The following CCDC90B variants were observed in gnomAD, a reference collection of about 807,000 sequenced individuals.
CCDC90B encodes the protein coiled-coil domain-containing protein 90B, mitochondrial.
In CCDC90B, 24 loss-of-function variants were observed where a neutral mutation model predicts 37.0. The observed-to-expected ratio is 0.65, with a 90% CI of 0.47 to 0.91. The LOEUF (loss-of-function observed/expected upper bound fraction) is 0.91. Ranked by LOEUF, CCDC90B falls within the 40% of genes least tolerant of loss-of-function variation. The pLI is 0.00. For synonymous variants in CCDC90B, 113 were observed against 101.1 expected (o/e 1.12, Z -0.71); for missense variants, 319 against 299.0 (o/e 1.07, Z -0.49).
At position 83,286,340 on chromosome 11, in the gene CCDC90B, T is replaced by G. The variant is rs1247930260; in HGVS notation, c.-368A>C. On this transcript the variant is annotated 5_prime_UTR_variant, in exon 1 of 9. Transcript: ENST00000529689. ...AAGATAGCCAGCGGCCATTACGCGC[T>G]TGGGTCGGGGGAGATGGAGTCGCAT... The G allele has an allele frequency of 1.1e-5, 8 of 739,746 alleles. No homozygotes were observed. The highest frequency in any genetic ancestry group is 1.7e-5 in the Non-Finnish European group (8 of 462,890). 45.8% of individuals were successfully genotyped at this position (739,746 alleles called of 1,614,324 possible). A position where few individuals can be genotyped will look rare whatever the true frequency, so the allele number is the denominator to read the frequency against.
intron 1 of CCDC90B, among the ~76,000 whole-genome samples, chr11:83,283,138 C>T (rs1401383097): frequency 6.6e-6 from 1 of 152,222 alleles, no homozygotes; most frequent in African/African-American, 2.4e-5. Flanking sequence ...TTCTTGCTCA[C>T]TACTGAATCC....
At chr11:83,263,152 T>C (rs191542080) in intron 8 of CCDC90B, among the ~76,000 whole-genome samples, 6 of 152,288 alleles carry the variant, frequency 3.9e-5, no homozygotes, top group East Asian at 3.9e-4. Flanking sequence ...ACTGTGACAC[T>C]TGAAAGACTC....
At chr11:83,265,687 A>G (rs1230698811) in intron 8 of CCDC90B, among the ~76,000 whole-genome samples, 178 bp downstream of exon 8, 2 of 152,200 alleles carry the variant, frequency 1.3e-5, no homozygotes, top group Non-Finnish European at 2.9e-5. Context: ...ATAAAACCCA[A>G]GACTCCAAAA....
At chr11:83,281,149 T>A (rs916972661) in intron 1 of CCDC90B, among the ~76,000 whole-genome samples, 1 of 152,228 alleles carries the variant, frequency 6.6e-6, no homozygotes, top group African/African-American at 2.4e-5. Flanking sequence ...CAGGTACTTC[T>A]GACTCCAAAT....
At chr11:83,285,049 G>A (rs1450727436) in intron 1 of CCDC90B, 22 of 949,856 alleles carry the variant, frequency 2.3e-5, no homozygotes, top group Middle Eastern at 5.8e-4. Flanking sequence ...ATGAAACAAT[G>A]AGCAAAATAG....
rs1043380991 is a variant in CCDC90B at position 83,285,685 on chromosome 11, C to T, written c.100+188G>A. 3.9e-5 allele frequency: 56 copies of T among 1,421,936 alleles called. No homozygotes were observed. In the African/African-American group the frequency reaches 7.9e-4, roughly 20 times the overall value. 88.1% of individuals were successfully genotyped at this position (1,421,936 alleles called of 1,614,324 possible). A position where few individuals can be genotyped will look rare whatever the true frequency, so the allele number is the denominator to read the frequency against. ...AAGAACAGAAAGGCAGTGCTTTCCTCAGTCCTCGCCCCTTGGGGCGAGCTG... is the reference window on the plus strand; with the variant it reads ...AAGAACAGAAAGGCAGTGCTTTCCTTAGTCCTCGCCCCTTGGGGCGAGCTG... On this transcript the variant is annotated intron_variant, in intron 1 of 8. Transcript: ENST00000529689.
chr11:83,271,090 G>A (rs1864630454), intron 7 of CCDC90B, among the ~76,000 whole-genome samples: 1 of 152,144 alleles, frequency 6.6e-6, no homozygotes, highest in Non-Finnish European at 1.5e-5. Flanking sequence ...GCTGAAACTA[G>A]ACCCCTTCCT....
intron 7 of CCDC90B, among the ~76,000 whole-genome samples, chr11:83,267,669 C>G (rs1404286212): frequency 2.0e-5 from 3 of 152,136 alleles, no homozygotes; most frequent in African/African-American, 7.2e-5. Context: ...AGAATGGAAC[C>G]AAGTTGGAAA....
At chr11:83,274,047 T>C (rs897809088) in intron 4 of CCDC90B, 55 bp from the exon 5 acceptor site, 38 of 1,359,230 alleles carry the variant, frequency 2.8e-5, no homozygotes, top group Non-Finnish European at 3.7e-5. Flanking sequence ...TATATTATGA[T>C]TAAAAAAATC....
At chr11:83,267,180 T>A (rs904210474) in intron 7 of CCDC90B, 14 of 152,076 alleles carry the variant, frequency 9.2e-5, no homozygotes, top group African/African-American at 3.4e-4. Flanking sequence ...AAGCTGAAAA[T>A]TCTAAAAATC....
Position 83,274,678 on chromosome 11 carries a change from T to C in CCDC90B, c.387A>G (p.Leu129=). Residue 129 remains leucine, a synonymous_variant, in exon 4 of 9, where the codon CTA becomes CTG. Transcript: ENST00000529689. ...TCAGATTTGCAAATTCACTTTTCTCTAGGATGACCATGTCTTTCCTGATAG... is the reference window on the plus strand; with the variant it reads ...TCAGATTTGCAAATTCACTTTTCTCCAGGATGACCATGTCTTTCCTGATAG... ...LDAIRKDMVI[L]EKSEFANLRA... The C allele has an allele frequency of 6.2e-7, 1 of 1,610,032 alleles. No individual in the cohort carries two copies. The highest frequency in any genetic ancestry group is 8.5e-7 in the Non-Finnish European group (1 of 1,177,954).
intron 3 of CCDC90B, among the ~76,000 whole-genome samples, chr11:83,277,667 G>GT (rs1197058209): frequency 5.4e-5 from 8 of 146,836 alleles, no homozygotes; most frequent in South Asian, 4.3e-4. Context: ...TTTTTTTTTT[G>GT]TTTTTTCAAG....
intron 7 of CCDC90B, among the ~76,000 whole-genome samples, chr11:83,271,950 T>C (rs1423687241): frequency 6.6e-6 from 1 of 152,086 alleles, no homozygotes; most frequent in Non-Finnish European, 1.5e-5. Context: ...AAAGGATGAG[T>C]TCATGTCCTT....
rs540512219 is a variant in CCDC90B at position 83,261,001 on chromosome 11, A to C, written c.*910T>G. 1 of 152,352 alleles carries C rather than the reference A, an allele frequency of 6.6e-6. No homozygotes were observed. The highest frequency in any genetic ancestry group is 6.5e-5 in the Admixed American group (1 of 15,304). 9.4% of individuals were successfully genotyped at this position (152,352 alleles called of 1,614,324 possible). ...GGGATAAACTGGTTTTTGAGTATCA[A>C]ATATTTAAAAAATACATGTAATAAT... is the stretch of plus-strand genomic sequence containing the variant. On this transcript the variant is annotated 3_prime_UTR_variant, in exon 9 of 9. Transcript: ENST00000529689.
Position 83,259,274 on chromosome 11 carries a change from A to G in CCDC90B, c.*2637T>C, listed in dbSNP as rs1174907240. On this transcript the variant is annotated 3_prime_UTR_variant, in exon 9 of 9. Coordinates refer to ENST00000529689, the MANE Select transcript of CCDC90B (RefSeq NM_021825.5). ...AGGCATATAGAAACACAATCCTCTC[A>G]TCCTTATTTCATATATTTCCATCAC... The G allele has an allele frequency of 1.3e-5, 2 of 152,294 alleles. No individual in the cohort carries two copies. The highest frequency in any genetic ancestry group is 4.8e-5 in the African/African-American group (2 of 41,564). The allele number at this position is 152,294 out of a possible 1,614,324, so 9.4% of individuals were successfully genotyped here.
intron 1 of CCDC90B, among the ~76,000 whole-genome samples, chr11:83,281,601 C>G (rs1475160113): frequency 1.3e-5 from 2 of 151,942 alleles, no homozygotes; most frequent in Admixed American, 1.3e-4. Context: ...ACTTGAATGT[C>G]ATCTAGAAGG....
chr11:83,264,157 T>C (rs1433406012), intron 8 of CCDC90B, among the ~76,000 whole-genome samples: 4 of 152,194 alleles, frequency 2.6e-5, no homozygotes, highest in African/African-American at 9.6e-5. Context: ...CAATACAGTA[T>C]TGTCCTTAAT....
At chr11:83,268,553 GC>G (rs1864441359) in intron 7 of CCDC90B, among the ~76,000 whole-genome samples, 1 of 152,112 alleles carries the variant, frequency 6.6e-6, no homozygotes. Flanking sequence ...AACAAGAAGA[GC>G]TAATTATCCT....
intron 3 of CCDC90B, among the ~76,000 whole-genome samples, chr11:83,277,694 C>A (rs1865130750): frequency 1.3e-5 from 2 of 151,322 alleles, no homozygotes; most frequent in African/African-American, 2.4e-5. Context: ...CAGTGTTTCA[C>A]CTTATTGGCC....
Sources: allele counts gnomAD v4.1 joint callset (sites outside exome capture counted in the v4.1 genomes callset), GRCh38; gene constraint gnomAD v4.1.1; transcripts MANE v1.5; gene names NCBI Gene and HGNC (gene_info 2026-07-23, HGNC 2026-07-21).